TMEM132D: variants seen among roughly 807,000 people sequenced by gnomAD.
TMEM132D encodes transmembrane protein 132D.
Under a neutral mutation model 62.3 loss-of-function variants are expected in TMEM132D, and 21 were observed. The ratio of observed to expected loss-of-function variants is 0.34; its 90% confidence interval spans 0.24 to 0.49. The LOEUF is 0.49. TMEM132D is among the 20% of genes least tolerant of loss of function. The pLI, the probability that TMEM132D is intolerant of heterozygous loss-of-function variation, is 0.99. For missense variants in TMEM132D, 1,346 were observed against 1,402.8 expected (o/e 0.96, Z 0.65); for synonymous variants, 621 against 575.6 (o/e 1.08, Z -1.13).
chr12:129,561,407 C>T (rs1877224015), intron 2 of TMEM132D, among the ~76,000 whole-genome samples: 1 of 152,208 alleles, frequency 6.6e-6, no homozygotes, highest in African/African-American at 2.4e-5. Context: ...TAATTTCATT[C>T]ATGGAACGCT....
intron 3 of TMEM132D, among the ~76,000 whole-genome samples, chr12:129,399,160 C>T (rs1336058985): frequency 6.7e-6 from 1 of 148,954 alleles, no homozygotes; most frequent in Admixed American, 6.6e-5. Flanking sequence ...CTAACCCATT[C>T]CCATGACAAT....
At chr12:129,447,341 A>C (rs985957169) in intron 3 of TMEM132D, among the ~76,000 whole-genome samples, 1 of 152,196 alleles carries the variant, frequency 6.6e-6, no homozygotes, top group African/African-American at 2.4e-5. Flanking sequence ...TGCTTTCTTT[A>C]CTAATACATT....
At chr12:129,458,702 G>T (rs1873559364) in intron 3 of TMEM132D, among the ~76,000 whole-genome samples, 1 of 152,170 alleles carries the variant, frequency 6.6e-6, no homozygotes, top group African/African-American at 2.4e-5. Flanking sequence ...ATGGAATTCA[G>T]ACGGGGCCCC....
chr12:129,247,417 C>T (rs1194126655), intron 4 of TMEM132D, among the ~76,000 whole-genome samples: 3 of 152,216 alleles, frequency 2.0e-5, no homozygotes, highest in Non-Finnish European at 4.4e-5. Flanking sequence ...ACACGACAGT[C>T]TATCTACCGT....
At chr12:129,743,658 G>A (rs1167509744) in intron 1 of TMEM132D, among the ~76,000 whole-genome samples, 1 of 152,164 alleles carries the variant, frequency 6.6e-6, no homozygotes, top group Non-Finnish European at 1.5e-5. Flanking sequence ...CTTGAAACCT[G>A]TGAACATGTT....
intron 3 of TMEM132D, among the ~76,000 whole-genome samples, chr12:129,493,727 G>A (rs1476838538): frequency 6.6e-6 from 1 of 152,206 alleles, no homozygotes; most frequent in Non-Finnish European, 1.5e-5. Flanking sequence ...GCAGGAGGAA[G>A]GTCATCCTGG....
chr12:129,896,742 G>C (rs926330467), intron 1 of TMEM132D, among the ~76,000 whole-genome samples: 3 of 151,952 alleles, frequency 2.0e-5, no homozygotes, highest in Admixed American at 6.6e-5. Flanking sequence ...TACTTCCTAA[G>C]AGTGGAACCT....
chr12:129,370,005 G>C (rs1041201885), intron 3 of TMEM132D, among the ~76,000 whole-genome samples: 4 of 152,208 alleles, frequency 2.6e-5, no homozygotes, highest in African/African-American at 9.6e-5. Context: ...GTGGCCAACT[G>C]TGGCCCTGAT....
At chr12:129,177,625 G>C (rs1039241196) in intron 5 of TMEM132D, among the ~76,000 whole-genome samples, 1 of 152,140 alleles carries the variant, frequency 6.6e-6, no homozygotes, top group African/African-American at 2.4e-5. Context: ...AGGCATGGTG[G>C]TGTGTACCTA....
chr12:129,114,012 A>G (rs1255853778), intron 5 of TMEM132D, among the ~76,000 whole-genome samples: 1 of 152,116 alleles, frequency 6.6e-6, no homozygotes, highest in African/African-American at 2.4e-5. Flanking sequence ...CCTGGAGACC[A>G]TTCATTTTCC....
chr12:129,894,821 T>C (rs533631582), intron 1 of TMEM132D, among the ~76,000 whole-genome samples: 212 of 152,296 alleles, frequency 1.4e-3, no homozygotes, highest in African/African-American at 5.0e-3. Flanking sequence ...TCCAAGTCTT[T>C]TTACACGTGT....
chr12:129,743,291 C>T (rs188914550), intron 1 of TMEM132D, among the ~76,000 whole-genome samples: 23 of 152,314 alleles, frequency 1.5e-4, no homozygotes, highest in Admixed American at 1.5e-3. Flanking sequence ...TTCCCATACT[C>T]CCCACGTGCT....
intron 3 of TMEM132D, among the ~76,000 whole-genome samples, chr12:129,348,433 T>C (rs1869757969): frequency 6.6e-6 from 1 of 152,182 alleles, no homozygotes; most frequent in Non-Finnish European, 1.5e-5. Context: ...GAAACCATCA[T>C]CCTCAGCAAA....
chr12:129,456,288 A>G (rs1873462900), intron 3 of TMEM132D, among the ~76,000 whole-genome samples: 1 of 152,118 alleles, frequency 6.6e-6, no homozygotes, highest in African/African-American at 2.4e-5. Context: ...CAGGGACATC[A>G]CTCAGCAAAC....
At chr12:129,203,455 T>A (rs185599728) in intron 5 of TMEM132D, among the ~76,000 whole-genome samples, 400 of 152,324 alleles carry the variant, frequency 2.6e-3, no homozygotes, top group Admixed American at 8.4e-3. Context: ...CCTGCTTCTG[T>A]GGGAACTCAG....
intron 3 of TMEM132D, among the ~76,000 whole-genome samples, chr12:129,525,752 T>A (rs1219687419): frequency 6.6e-6 from 1 of 152,188 alleles, no homozygotes; most frequent in Non-Finnish European, 1.5e-5. Flanking sequence ...AGCATAAAAA[T>A]GAGAACGAAA....
chr12:129,313,988 G>T (rs1488849994), intron 4 of TMEM132D, among the ~76,000 whole-genome samples: 2 of 152,114 alleles, frequency 1.3e-5, no homozygotes, highest in African/African-American at 2.4e-5. Context: ...TCATATGTTT[G>T]CTGGCCATTT....
chr12:129,322,000 G>T (rs1034715639), intron 4 of TMEM132D, among the ~76,000 whole-genome samples: 1 of 151,984 alleles, frequency 6.6e-6, no homozygotes, highest in African/African-American at 2.4e-5. Flanking sequence ...AAATCCTGGT[G>T]GTGTAAAAGC....
At chr12:129,279,313 T>C (rs888214788) in intron 4 of TMEM132D, among the ~76,000 whole-genome samples, 13 of 152,130 alleles carry the variant, frequency 8.5e-5, no homozygotes, top group African/African-American at 2.7e-4. Flanking sequence ...GTTAAGTAAG[T>C]GTAACTCTAA....
Sources: gnomAD v4.1 joint callset for allele counts (sites outside exome capture counted in the v4.1 genomes callset) on GRCh38, gnomAD v4.1.1 for gene constraint, MANE v1.5 for transcripts, NCBI Gene and HGNC (gene_info 2026-07-23, HGNC 2026-07-21) for gene names.